The following MET variants were observed in gnomAD, a reference collection of about 807,000 sequenced individuals.
MET encodes MET proto-oncogene, receptor tyrosine kinase, also known as hepatocyte growth factor receptor.
Under a neutral mutation model 133.1 loss-of-function variants are expected in MET, and 48 were observed. The ratio of observed to expected loss-of-function variants is 0.36; its 90% confidence interval spans 0.29 to 0.46. The LOEUF is 0.46. Among genes scored for constraint, MET ranks in the 20% least tolerant of loss-of-function variants. The pLI is 1.00. For synonymous variants in MET, 628 were observed against 616.5 expected (o/e 1.02, Z -0.28); for missense variants, 1,442 against 1,695.9 (o/e 0.85, Z 2.63).
At chr7:116,698,244 G>A (rs1410341568) in intron 1 of MET, among the ~76,000 whole-genome samples, 1 of 152,142 alleles carries the variant, frequency 6.6e-6, no homozygotes, top group African/African-American at 2.4e-5. Context: ...TTTCCTCATA[G>A]AAATACTGTC....
At chr7:116,677,320 T>A (rs1280927746) in intron 1 of MET, among the ~76,000 whole-genome samples, 1 of 152,234 alleles carries the variant, frequency 6.6e-6, no homozygotes, top group Non-Finnish European at 1.5e-5. Context: ...TTTCTTCCTC[T>A]TTTCTTCCTT....
chr7:116,748,438 A>G (rs1415126344), intron 5 of MET, among the ~76,000 whole-genome samples: 2 of 152,240 alleles, frequency 1.3e-5, no homozygotes, highest in Admixed American at 6.5e-5. Context: ...AAAGACAAAG[A>G]CACAACATAT....
intron 2 of MET, among the ~76,000 whole-genome samples, chr7:116,716,481 G>GAAAGAAAGA (rs1792226971): frequency 4.9e-5 from 6 of 123,446 alleles, no homozygotes; most frequent in African/African-American, 2.0e-4. Flanking sequence ...AAGAAAGAAA[G>GAAAGAAAGA]AAAGAAAGAA....
At chr7:116,689,157 A>C (rs1004304562) in intron 1 of MET, among the ~76,000 whole-genome samples, 1 of 152,218 alleles carries the variant, frequency 6.6e-6, no homozygotes, top group African/African-American at 2.4e-5. Flanking sequence ...ATAGAGGGGA[A>C]AAAGTTTCTT....
chr7:116,791,272 G>T (rs938189181), intron 19 of MET, among the ~76,000 whole-genome samples: 3 of 152,122 alleles, frequency 2.0e-5, no homozygotes, highest in African/African-American at 7.2e-5. Context: ...ATGAGAAACT[G>T]CCAACTATTT....
At chr7:116,745,497 GC>G in intron 5 of MET, among the ~76,000 whole-genome samples, 2 of 152,276 alleles carry the variant, frequency 1.3e-5, no homozygotes, top group Middle Eastern at 3.4e-3. Context: ...AAAGAACAAA[GC>G]TGGAGGCATC....
chr7:116,733,263 A>G (rs572084726), intron 3 of MET, among the ~76,000 whole-genome samples: 1 of 152,280 alleles, frequency 6.6e-6, no homozygotes, highest in South Asian at 2.1e-4. Flanking sequence ...TTGCAAAAAT[A>G]CAAAGAAGGA....
intron 11 of MET, among the ~76,000 whole-genome samples, chr7:116,765,286 CAA>C (rs754418396): frequency 1.6e-4 from 5 of 31,860 alleles, no homozygotes; most frequent in Admixed American, 7.3e-4. Flanking sequence ...GGAGACAGAG[CAA>C]AAAAAAAAAA....
chr7:116,708,227 A>C (rs554917256), intron 2 of MET, among the ~76,000 whole-genome samples: 1 of 152,300 alleles, frequency 6.6e-6, no homozygotes, highest in East Asian at 1.9e-4. Flanking sequence ...GAATATCTAA[A>C]TTTGGTAGTT....
At chr7:116,674,863 G>A (rs774874334) in intron 1 of MET, among the ~76,000 whole-genome samples, 5 of 152,142 alleles carry the variant, frequency 3.3e-5, no homozygotes, top group African/African-American at 4.8e-5. Flanking sequence ...AGCCATCTAC[G>A]CTTTCTTTTC....
intron 2 of MET, among the ~76,000 whole-genome samples, chr7:116,708,886 G>C (rs1245289872): frequency 2.6e-5 from 4 of 152,108 alleles, no homozygotes; most frequent in African/African-American, 9.7e-5. Flanking sequence ...AAGAATCTGA[G>C]AACACACAAA....
At chr7:116,767,514 G>T (rs1794669751) in intron 11 of MET, among the ~76,000 whole-genome samples, 1 of 152,006 alleles carries the variant, frequency 6.6e-6, no homozygotes, top group South Asian at 2.1e-4. Context: ...GCCCCTTTCT[G>T]GATAATAGTT....
Position 116,797,595 on chromosome 7 carries a change from T to G in MET, c.*1471T>G, listed in dbSNP as rs1229870432. On this transcript the variant is annotated 3_prime_UTR_variant, in exon 21 of 21. Coordinates refer to ENST00000397752, the MANE Select transcript of MET (RefSeq NM_000245.4). ...TGGTGTAGGTTACTCTAACTGGTTT[T>G]GTCGACGTAAACATTTAAAGTGTTA... 4.4e-6 allele frequency: 1 copy of G among 226,422 alleles called. No homozygotes were observed. The highest frequency in any genetic ancestry group is 2.2e-5 in the African/African-American group (1 of 44,922). The allele number at this position is 226,422 out of a possible 1,614,324, so 14.0% of individuals were successfully genotyped here.
rs45499391 is a variant in MET at position 116,731,730 on chromosome 7, C to T, written c.1263C>T (p.Thr421=). The change falls in exon 3 of 21, where the codon ACC becomes ACT. Residue 421 remains threonine (T), a synonymous_variant. Coordinates refer to ENST00000397752, the MANE Select transcript of MET (RefSeq NM_000245.4). ...GTGATGAATATCGAACAGAGTTTAC[C>T]ACAGCTTTGCAGCGCGTTGACTTAT... ...ARRDEYRTEF[T]TALQRVDLFM... is the part of the protein sequence containing the mutation. The T allele has an allele frequency of 3.0e-5, 48 of 1,614,052 alleles. No homozygotes were observed. The East Asian group carries it at 1.0e-3, about 34-fold the overall frequency.
At position 116,759,424 on chromosome 7, in the gene MET, C is replaced by T; in HGVS notation, c.2298C>T (p.Asn766=). ...GCACAATAACAGGTGTTGGGAAAAA[C>T]CTGAATTCAGTTAGTGTCCCGAGAA... ...GGSTITGVGK[N]LNSVSVPRMV... The change falls in exon 10 of 21, where the codon AAC becomes AAT. Residue 766 remains asparagine, a synonymous_variant. Coordinates refer to ENST00000397752, the MANE Select transcript of MET (RefSeq NM_000245.4). 1 of 1,613,778 alleles carries T rather than the reference C, an allele frequency of 6.2e-7. No homozygotes were observed. The highest frequency in any genetic ancestry group is 8.5e-7 in the Non-Finnish European group (1 of 1,179,868).
rs545688660 is a variant in MET at position 116,765,678 on chromosome 7, G to T, written c.2583+2410G>T. Among the ~76,000 whole-genome samples the T allele has an allele frequency of 4.6e-5, 7 of 152,252 alleles. No individual in the cohort carries two copies. In the East Asian group the frequency reaches 1.2e-3, roughly 25 times the overall value. On this transcript the variant is annotated intron_variant, in intron 11 of 20. Transcript: ENST00000397752. Reference sequence around the variant, plus strand: ...GGTCATCAAAAGTAGGTACCTCTTTGTGGGTATACATGACTCCCCAAATGC... The same window carrying T: ...GGTCATCAAAAGTAGGTACCTCTTTTTGGGTATACATGACTCCCCAAATGC...
intron 18 of MET, 30 bp downstream of exon 18, chr7:116,782,127 C>A (rs2117060974): frequency 7.0e-7 from 1 of 1,438,450 alleles, no homozygotes; most frequent in Non-Finnish European, 9.8e-7. Context: ...TGCCACAATC[C>A]AAATTAAGTG....
At chr7:116,692,384 A>T (rs1474796371) in intron 1 of MET, among the ~76,000 whole-genome samples, 3 of 152,200 alleles carry the variant, frequency 2.0e-5, no homozygotes, top group Non-Finnish European at 4.4e-5. Flanking sequence ...TTAAGAAGAA[A>T]CTTATTCTAT....
chr7:116,793,395 G>A (rs188169600), intron 19 of MET, among the ~76,000 whole-genome samples: 104 of 151,352 alleles, frequency 6.9e-4, no homozygotes, highest in African/African-American at 2.3e-3. Flanking sequence ...GGCTGGTCCC[G>A]AACTCTTGAC....
Sources: gnomAD v4.1 joint callset for allele counts (sites outside exome capture counted in the v4.1 genomes callset) on GRCh38, gnomAD v4.1.1 for gene constraint, MANE v1.5 for transcripts, NCBI Gene and HGNC (gene_info 2026-07-23, HGNC 2026-07-21) for gene names.